C6: variants seen among roughly 807,000 people sequenced by gnomAD.
C6 encodes complement component C6.
In C6, 101 loss-of-function variants were observed where a neutral mutation model predicts 112.9. The ratio of observed to expected loss-of-function variants is 0.89; its 90% CI spans 0.76 to 1.06. The LOEUF (loss-of-function observed/expected upper bound fraction) is 1.06. C6 is among the 50% of genes least tolerant of loss of function. C6 has a pLI of 0.00. For synonymous variants in C6, 431 were observed against 384.1 expected (o/e 1.12, Z -1.43); for missense variants, 1,202 against 1,104.6 (o/e 1.09, Z -1.25).
chr5:41,179,689 A>G (rs1356580789), intron 7 of C6, among the ~76,000 whole-genome samples: 3 of 148,182 alleles, frequency 2.0e-5, no homozygotes, highest in African/African-American at 7.3e-5. Context: ...TATATTATAT[A>G]TATAAATTAT....
intron 1 of C6, among the ~76,000 whole-genome samples, chr5:41,260,433 AAAAC>A (rs1287960715): frequency 6.7e-6 from 1 of 149,070 alleles, no homozygotes; most frequent in East Asian, 2.0e-4. Flanking sequence ...TTGTTCAGTA[AAAAC>A]AAACAAATAA....
intron 13 of C6, 146 bp from the exon 14 acceptor site, chr5:41,155,250 A>G: frequency 1.4e-6 from 1 of 726,354 alleles, no homozygotes. Context: ...AAAACCTGTT[A>G]AAGTTCTCTG....
intron 13 of C6, among the ~76,000 whole-genome samples, chr5:41,157,361 G>C (rs966283863): frequency 6.6e-6 from 1 of 152,090 alleles, no homozygotes; most frequent in African/African-American, 2.4e-5. Flanking sequence ...AGTTATTTTG[G>C]TATCTGGATC....
intron 1 of C6, among the ~76,000 whole-genome samples, chr5:41,252,678 AG>A (rs1741440507): frequency 6.6e-6 from 1 of 152,104 alleles, no homozygotes; most frequent in Admixed American, 6.5e-5. Context: ...TTCCTGATTC[AG>A]GGGAAATTTA....
intron 1 of C6, among the ~76,000 whole-genome samples, chr5:41,204,380 A>C (rs1751260311): frequency 1.3e-5 from 2 of 152,220 alleles, no homozygotes; most frequent in South Asian, 2.1e-4. Flanking sequence ...GAATGTTACA[A>C]ATTTAATAGT....
In C6 at chr5:41,201,648, A is replaced by C. The variant is rs752176579; in HGVS notation, c.210T>G (p.Thr70=). The C allele has an allele frequency of 1.2e-5, 19 of 1,613,432 alleles. No homozygotes were observed. In the South Asian group the frequency reaches 2.1e-4, roughly 18 times the overall value. ...FCEQICSKQE[T]RECNWQRCPI... is the part of the protein sequence containing the mutation. ...GGCATCTTTGCCAGTTACATTCTCT[A>C]GTCTCCTGCTTGCTGCAAATCTGTT... Residue 70 remains threonine, a synonymous_variant, in exon 3 of 18, where the codon ACT becomes ACG. Transcript: ENST00000337836.
At chr5:41,219,015 A>AT (rs1739005300) in intron 1 of C6, among the ~76,000 whole-genome samples, 1 of 152,124 alleles carries the variant, frequency 6.6e-6, no homozygotes, top group Admixed American at 6.6e-5. Flanking sequence ...GTATTTTATG[A>AT]TTTTCAAACA....
intron 15 of C6, among the ~76,000 whole-genome samples, chr5:41,150,948 T>G (rs1399798533): frequency 5.3e-5 from 8 of 150,476 alleles, no homozygotes; most frequent in African/African-American, 2.0e-4. Context: ...CCAGTGTGGT[T>G]GAAGTGCTGA....
intron 15 of C6, among the ~76,000 whole-genome samples, chr5:41,152,073 AAAAG>A (rs1433886366): frequency 6.6e-6 from 1 of 152,122 alleles, no homozygotes; most frequent in African/African-American, 2.4e-5. Context: ...AGGAGAGGAA[AAAAG>A]AAAGAGAAAA....
At position 41,149,450 on chromosome 5, in the gene C6, G is replaced by A; in HGVS notation, c.2414C>T (p.Thr805Ile). 6.2e-7 allele frequency: 1 copy of A among 1,614,054 alleles called. No homozygotes were observed. The highest frequency in any genetic ancestry group is 8.5e-7 in the Non-Finnish European group (1 of 1,179,944). The change falls in exon 17 of 18, where the codon ACA becomes ATA. Residue 805 changes from threonine (T) to isoleucine (I), a missense_variant. By Grantham distance (89) the Thr-to-Ile change is moderately conservative. Transcript: ENST00000337836. Reference sequence around the variant, plus strand: ...TGAAGTAAAGTAATCGTTGGAGTCTGTGTCAAACACACAGAGATCTTCTGA... The same window carrying A: ...TGAAGTAAAGTAATCGTTGGAGTCTATGTCAAACACACAGAGATCTTCTGA... ...HHSEDLCVFD[T>I]DSNDYFTSPA...
chr5:41,251,060 C>T (rs544662227), intron 1 of C6, among the ~76,000 whole-genome samples: 3 of 152,276 alleles, frequency 2.0e-5, no homozygotes, highest in African/African-American at 7.2e-5. Flanking sequence ...GGCCACAAAT[C>T]ACCCATCTTG....
At chr5:41,233,263 A>T (rs1322157898) in intron 1 of C6, among the ~76,000 whole-genome samples, 1 of 152,124 alleles carries the variant, frequency 6.6e-6, no homozygotes, top group Non-Finnish European at 1.5e-5. Context: ...TCATTATCAA[A>T]AGTAAATGAG....
chr5:41,225,185 A>G (rs1739410451), intron 1 of C6, among the ~76,000 whole-genome samples: 1 of 152,182 alleles, frequency 6.6e-6, no homozygotes, highest in Non-Finnish European at 1.5e-5. Context: ...ATTTAACATT[A>G]GATATATCTC....
chr5:41,165,730 G>T (rs1295551853), intron 9 of C6, among the ~76,000 whole-genome samples: 2 of 151,992 alleles, frequency 1.3e-5, no homozygotes, highest in South Asian at 4.1e-4. Flanking sequence ...TATATGGATT[G>T]TTTATTTAAT....
At chr5:41,210,798 A>T (rs1243535113) in intron 1 of C6, among the ~76,000 whole-genome samples, 1 of 152,196 alleles carries the variant, frequency 6.6e-6, no homozygotes, top group Non-Finnish European at 1.5e-5. Context: ...GGGACTGTAA[A>T]CTAGTTCAAC....
intron 1 of C6, among the ~76,000 whole-genome samples, chr5:41,206,489 A>C (rs566536492): frequency 6.6e-6 from 1 of 152,304 alleles, no homozygotes; most frequent in East Asian, 1.9e-4. Context: ...AAAAGATTAG[A>C]CAAATGGCTA....
intron 13 of C6, among the ~76,000 whole-genome samples, chr5:41,156,018 G>A (rs181095790): frequency 1.2e-4 from 18 of 151,980 alleles, no homozygotes; most frequent in African/African-American, 4.3e-4. Context: ...CTACCTTCAT[G>A]TTGCTGGGGG....
At chr5:41,234,214 A>G (rs1740089714) in intron 1 of C6, among the ~76,000 whole-genome samples, 1 of 152,146 alleles carries the variant, frequency 6.6e-6, no homozygotes, top group Admixed American at 6.6e-5. Flanking sequence ...CAATGTATCA[A>G]TATCAATAAC....
chr5:41,220,125 G>A (rs759763114), intron 1 of C6, among the ~76,000 whole-genome samples: 2 of 152,196 alleles, frequency 1.3e-5, no homozygotes, highest in Non-Finnish European at 2.9e-5. Flanking sequence ...ACCTGGGGTA[G>A]TGTGTAATAC....
Sources: gnomAD v4.1 joint callset for allele counts (sites outside exome capture counted in the v4.1 genomes callset) on GRCh38, gnomAD v4.1.1 for gene constraint, MANE v1.5 for transcripts, NCBI Gene and HGNC (gene_info 2026-07-23, HGNC 2026-07-21) for gene names.